The following HTR4 variants were observed in gnomAD, a reference collection of about 807,000 sequenced individuals.
The protein encoded by HTR4 is 5-hydroxytryptamine receptor 4.
In HTR4, 16 loss-of-function variants were observed where a neutral mutation model predicts 36.8. That is an observed-to-expected ratio of 0.43 (90% CI 0.29 to 0.66). HTR4 has a LOEUF of 0.66. HTR4 is among the 30% of genes least tolerant of loss of function. The pLI is 0.13. For synonymous variants in HTR4, 189 were observed against 185.1 expected, an observed-to-expected ratio of 1.02 and a Z score of -0.17; for missense variants, 438 against 490.9, an observed-to-expected ratio of 0.89 and a Z score of 1.02.
At chr5:148,559,101 C>T (rs1042121313) in intron 2 of HTR4, among the ~76,000 whole-genome samples, 2 of 152,150 alleles carry the variant, frequency 1.3e-5, no homozygotes, top group African/African-American at 4.8e-5. Context: ...GGTTGTTTAC[C>T]TTCGTGATCA....
intron 4 of HTR4, among the ~76,000 whole-genome samples, chr5:148,544,736 AGCACC>A (rs1759305802): frequency 6.6e-6 from 1 of 152,224 alleles, no homozygotes; most frequent in African/African-American, 2.4e-5. Context: ...CAATTCTGAA[AGCACC>A]AGGAAGCACA....
chr5:148,632,507 G>A (rs1183322225), intron 2 of HTR4, among the ~76,000 whole-genome samples: 2 of 152,092 alleles, frequency 1.3e-5, no homozygotes, highest in East Asian at 1.9e-4. Context: ...GCAGGGAGGT[G>A]AGTCAAGGGT....
chr5:148,580,398 C>G (rs1425438859), intron 2 of HTR4, among the ~76,000 whole-genome samples: 1 of 152,034 alleles, frequency 6.6e-6, no homozygotes, highest in Non-Finnish European at 1.5e-5. Context: ...CCAAAATTCC[C>G]CCTTTTTACT....
At chr5:148,485,679 G>A (rs980862950) in intron 6 of HTR4, among the ~76,000 whole-genome samples, 1 of 152,156 alleles carries the variant, frequency 6.6e-6, no homozygotes, top group African/African-American at 2.4e-5. Context: ...GTAGAACTAG[G>A]GAGACTAGGT....
intron 2 of HTR4, among the ~76,000 whole-genome samples, chr5:148,611,968 G>C (rs919016459): frequency 6.6e-6 from 1 of 152,130 alleles, no homozygotes; most frequent in African/African-American, 2.4e-5. Flanking sequence ...AATTCAACAA[G>C]AAGAGCTAAC....
intron 4 of HTR4, among the ~76,000 whole-genome samples, chr5:148,527,745 C>G (rs1758353056): frequency 6.6e-6 from 1 of 152,116 alleles, no homozygotes; most frequent in African/African-American, 2.4e-5. Flanking sequence ...TCCTGAGTAG[C>G]TGGGAATACA....
intron 2 of HTR4, among the ~76,000 whole-genome samples, chr5:148,621,225 G>A (rs1339585496): frequency 6.6e-6 from 1 of 152,176 alleles, no homozygotes; most frequent in Admixed American, 6.5e-5. Flanking sequence ...ACTGAGAGGG[G>A]ATTCCAGAAT....
At position 148,523,385 on chromosome 5, in the gene HTR4, A is replaced by C. The variant is rs776059787; in HGVS notation, c.354-39T>G. On this transcript the variant is annotated intron_variant, in intron 4 of 6. Coordinates refer to ENST00000377888, the MANE Select transcript of HTR4 (RefSeq NM_000870.7). ...AGAGGGCAGAGCATAGGCATGGGCA[A>C]GGAGGAATGGGAGGGAGAGAAAAGA... 2.6e-6 allele frequency: 4 copies of C among 1,535,944 alleles called. No individual in the cohort carries two copies. In the South Asian group the frequency reaches 5.0e-5, roughly 19 times the overall value.
rs575840647 is a variant in HTR4, at chr5:148,605,505, G to A, written c.26+31484C>T. Among the ~76,000 whole-genome samples the A allele has an allele frequency of 5.3e-5, 8 of 151,602 alleles. No individual in the cohort carries two copies. The East Asian group carries it at 9.7e-4, about 18-fold the overall frequency. ...ACTCCTGACCTCAGGTGATCCACCC[G>A]CCTCGGCCTCTGAAACTGCTGGGAT... On this transcript the variant is annotated intron_variant, in intron 2 of 6. Transcript: ENST00000377888.
intron 6 of HTR4, among the ~76,000 whole-genome samples, chr5:148,485,193 G>T (rs1487389099): frequency 6.6e-6 from 1 of 152,212 alleles, no homozygotes; most frequent in Non-Finnish European, 1.5e-5. Context: ...CAGCACTGGT[G>T]TGCCAGGCAT....
intron 2 of HTR4, among the ~76,000 whole-genome samples, chr5:148,631,834 G>C (rs1753334178): frequency 6.6e-6 from 1 of 152,020 alleles, no homozygotes. Flanking sequence ...ACTTTGTTAT[G>C]GTTTTTAATT....
chr5:148,500,091 A>C (rs1253319411), intron 6 of HTR4, among the ~76,000 whole-genome samples: 1 of 152,170 alleles, frequency 6.6e-6, no homozygotes, highest in African/African-American at 2.4e-5. Context: ...AAAATGGGCC[A>C]ATACAGGGGG....
At chr5:148,540,694 T>A (rs1015418394) in intron 4 of HTR4, among the ~76,000 whole-genome samples, 9 of 151,814 alleles carry the variant, frequency 5.9e-5, no homozygotes, top group African/African-American at 1.9e-4. Context: ...GAAAGATGTT[T>A]AAGGCAAGAT....
At chr5:148,452,518 A>C (rs1209425961) in intron 5 of HTR4, among the ~76,000 whole-genome samples, 2 of 152,208 alleles carry the variant, frequency 1.3e-5, no homozygotes, top group South Asian at 2.1e-4. Flanking sequence ...GATGCTGATC[A>C]GTGTTGTACG....
chr5:148,647,767 T>G (rs1052495977), intron 1 of HTR4, among the ~76,000 whole-genome samples: 2 of 152,206 alleles, frequency 1.3e-5, no homozygotes, highest in Non-Finnish European at 2.9e-5. Context: ...AAGAATCGCT[T>G]GAACCCCGGA....
intron 1 of HTR4, among the ~76,000 whole-genome samples, chr5:148,640,082 A>G (rs1217358120): frequency 6.6e-6 from 1 of 152,168 alleles, no homozygotes; most frequent in Non-Finnish European, 1.5e-5. Flanking sequence ...AGTCATACAC[A>G]GCAGCACTTG....
chr5:148,532,295 G>C (rs1265386331), intron 4 of HTR4, among the ~76,000 whole-genome samples: 1 of 152,186 alleles, frequency 6.6e-6, no homozygotes, highest in Non-Finnish European at 1.5e-5. Context: ...TCTAGGACAA[G>C]AGGTGGGAAA....
chr5:148,586,117 A>G (rs568509624), intron 2 of HTR4, among the ~76,000 whole-genome samples: 2 of 151,802 alleles, frequency 1.3e-5, no homozygotes, highest in Admixed American at 6.6e-5. Flanking sequence ...CTTTTTTTCC[A>G]CATGTTTGTT....
intron 2 of HTR4, among the ~76,000 whole-genome samples, chr5:148,610,951 A>G (rs952726094): frequency 7.3e-5 from 11 of 151,156 alleles, no homozygotes; most frequent in Non-Finnish European, 1.2e-4. Context: ...AATGAATGAA[A>G]TGAAGCAAGA....
Sources: gnomAD v4.1 joint callset for allele counts (sites outside exome capture counted in the v4.1 genomes callset) on GRCh38, gnomAD v4.1.1 for gene constraint, MANE v1.5 for transcripts, NCBI Gene and HGNC (gene_info 2026-07-23, HGNC 2026-07-21) for gene names.